The following PIWIL3 variants were observed in gnomAD, a reference collection of about 807,000 sequenced individuals.
PIWIL3 encodes the protein piwi-like protein 3.
In PIWIL3, 101 loss-of-function variants were observed where a neutral mutation model predicts 109.7. The ratio of observed to expected loss-of-function variants is 0.92; its 90% CI spans 0.78 to 1.09. The LOEUF (loss-of-function observed/expected upper bound fraction) is 1.09, where lower values mean the gene tolerates loss of function less well. Ranked by LOEUF, PIWIL3 falls within the 50% of genes least tolerant of loss-of-function variation. The probability of loss-of-function intolerance (pLI) is 0.00; values close to 1 mark genes in which losing one functional copy is unlikely to be tolerated. For synonymous variants in PIWIL3, 373 were observed against 376.4 expected, an observed-to-expected ratio of 0.99 and a Z score of 0.10; for missense variants, 1,031 against 1,072.6, an observed-to-expected ratio of 0.96 and a Z score of 0.54.
chr22:24,742,921 T>C (rs898983135), intron 12 of PIWIL3, among the ~76,000 whole-genome samples: 3 of 152,256 alleles, frequency 2.0e-5, no homozygotes, highest in Non-Finnish European at 4.4e-5. Flanking sequence ...AAAAAACTTA[T>C]GCACAGCAAA....
chr22:24,737,898 C>T (rs1335997548), intron 12 of PIWIL3, among the ~76,000 whole-genome samples: 2 of 152,128 alleles, frequency 1.3e-5, no homozygotes, highest in Non-Finnish European at 1.5e-5. Flanking sequence ...CGGTGGCTCA[C>T]GCCTGGAATC....
At chr22:24,746,830 T>C (rs984496448) in intron 12 of PIWIL3, among the ~76,000 whole-genome samples, 1 of 151,980 alleles carries the variant, frequency 6.6e-6, no homozygotes, top group African/African-American at 2.4e-5. Flanking sequence ...TATAAAACAC[T>C]GATGCAAGAA....
intron 1 of PIWIL3, among the ~76,000 whole-genome samples, chr22:24,764,381 T>TA (rs1289027565): frequency 6.6e-6 from 1 of 152,142 alleles, no homozygotes; most frequent in Non-Finnish European, 1.5e-5. Flanking sequence ...CATTACCACT[T>TA]AGTAGCTTTA....
intron 1 of PIWIL3, 83 bp downstream of exon 1, chr22:24,774,239 C>G (rs1205903879): frequency 6.6e-6 from 1 of 152,162 alleles, no homozygotes. Context: ...GAACCTCCAC[C>G]CCCTTTCTTT....
intron 12 of PIWIL3, among the ~76,000 whole-genome samples, chr22:24,741,895 C>A (rs1392968681): frequency 6.6e-6 from 1 of 151,144 alleles, no homozygotes; most frequent in African/African-American, 2.4e-5. Flanking sequence ...TAAGTCCTAG[C>A]CAGAGCAATC....
In PIWIL3 at chr22:24,722,992, A is replaced by G. The variant is rs891930546; in HGVS notation, c.2357+138T>C. 6 of 946,964 alleles carry G rather than the reference A, an allele frequency of 6.3e-6. No individual in the cohort carries two copies. In the African/African-American group the frequency reaches 1.0e-4, roughly 16 times the overall value. 58.7% of individuals were successfully genotyped at this position (946,964 alleles called of 1,614,324 possible). A position where few individuals can be genotyped will look rare whatever the true frequency, so the allele number is the denominator to read the frequency against. ...TTTAAATGAGGAATCTCTGCCCAATAGTAAAAAAAACAGACCAAATTAGTT... is the reference window on the plus strand; with the variant it reads ...TTTAAATGAGGAATCTCTGCCCAATGGTAAAAAAAACAGACCAAATTAGTT... On this transcript the variant is annotated intron_variant, in intron 19 of 20. Transcript: ENST00000616349.
intron 3 of PIWIL3, among the ~76,000 whole-genome samples, chr22:24,758,379 A>G (rs970573961): frequency 6.6e-6 from 1 of 152,234 alleles, no homozygotes; most frequent in African/African-American, 2.4e-5. Flanking sequence ...TGGGCATCAT[A>G]AAATGCCAAA....
At chr22:24,723,311 C>A (rs1922787644) in intron 18 of PIWIL3, 56 bp from the exon 19 acceptor site, 9 of 1,541,260 alleles carry the variant, frequency 5.8e-6, no homozygotes, top group Non-Finnish European at 7.1e-6. Flanking sequence ...CTCAGAAGTA[C>A]ACAGTGTATT....
intron 8 of PIWIL3, 23 bp from the exon 9 acceptor site, chr22:24,751,521 T>A: frequency 6.2e-7 from 1 of 1,602,248 alleles, no homozygotes; most frequent in South Asian, 1.1e-5. Flanking sequence ...TACAATATGG[T>A]ATTATTTGAC....
intron 19 of PIWIL3, among the ~76,000 whole-genome samples, chr22:24,721,362 G>A (rs1203024785): frequency 1.3e-5 from 2 of 152,092 alleles, no homozygotes; most frequent in Non-Finnish European, 2.9e-5. Context: ...ACATTTCTAA[G>A]TGTGAACTTT....
At position 24,754,146 on chromosome 22, in the gene PIWIL3, GCA is replaced by G. The variant is rs1924873150; in HGVS notation, c.843_844del (p.Ala282ArgfsTer14). ...TCGGAGCAGTTTGTGGCTCACATCG[GCA>G]CAGAGGGTAATGCTGTTTTCGTATT... On this transcript the variant is annotated frameshift_variant, in exon 8 of 21. Coordinates refer to ENST00000616349, the MANE Select transcript of PIWIL3 (RefSeq NM_001255975.1). LOFTEE classifies it high-confidence loss of function. 1 of 1,613,848 alleles carries G rather than the reference GCA, an allele frequency of 6.2e-7. No individual in the cohort carries two copies. Among genetic ancestry groups the G allele is most frequent in the Admixed American group, 1.7e-5 (1 of 59,990 alleles).
At chr22:24,733,384 T>A (rs1923471005) in intron 14 of PIWIL3, among the ~76,000 whole-genome samples, 1 of 151,708 alleles carries the variant, frequency 6.6e-6, no homozygotes, top group Non-Finnish European at 1.5e-5. Flanking sequence ...AAGAACAGAC[T>A]CCTAGAAAAA....
intron 5 of PIWIL3, among the ~76,000 whole-genome samples, chr22:24,756,173 C>A (rs757676616): frequency 8.6e-5 from 13 of 152,042 alleles, no homozygotes; most frequent in Non-Finnish European, 1.8e-4. Flanking sequence ...AAAATAAGTT[C>A]TCTAACTTGT....
At position 24,719,478 on chromosome 22, in the gene PIWIL3, G is replaced by C. The variant is rs2147638389; in HGVS notation, c.2616C>G (p.Tyr872Ter). ...PNRSLSTRLFYL is the reference protein window; with the variant it reads ...PNRSLSTRLF ...TCAGGTCTTCTTCTGCAGGTCAAAG[G>C]TAAAAGAGACGAGTTGACAAGGAAC... is the stretch of plus-strand genomic sequence containing the variant. The change falls in exon 21 of 21, where the codon TAC becomes TAG. Residue 872 changes from tyrosine (Y) to a stop codon, truncating the protein, a stop_gained. Coordinates refer to ENST00000616349, the MANE Select transcript of PIWIL3 (RefSeq NM_001255975.1). LOFTEE classifies it high-confidence loss of function. The C allele has an allele frequency of 1.3e-6, 2 of 1,580,636 alleles. No individual in the cohort carries two copies. Among genetic ancestry groups the C allele is most frequent in the African/African-American group, 2.7e-5 (2 of 73,414 alleles).
intron 1 of PIWIL3, among the ~76,000 whole-genome samples, chr22:24,769,408 C>T (rs1925993258): frequency 6.6e-6 from 1 of 151,988 alleles, no homozygotes; most frequent in Admixed American, 6.6e-5. Flanking sequence ...GTCAGGAGAT[C>T]GAGACCATAC....
At chr22:24,761,707 T>C (rs554586101) in intron 2 of PIWIL3, among the ~76,000 whole-genome samples, 1 of 151,642 alleles carries the variant, frequency 6.6e-6, no homozygotes, top group East Asian at 2.0e-4. Context: ...CAGATGCTCA[T>C]GAGTGAGGGG....
rs1018389362 is a variant in PIWIL3, at chr22:24,757,938, C to A, written c.325G>T (p.Asp109Tyr). 7 of 1,613,010 alleles carry A rather than the reference C, an allele frequency of 4.3e-6. No homozygotes were observed. Among genetic ancestry groups the A allele is most frequent in the Non-Finnish European group, 5.9e-6 (7 of 1,179,666 alleles). Residue 109 changes from aspartate (D) to tyrosine (Y), a missense_variant, in exon 4 of 21, where the codon GAT becomes TAT. Transcript: ENST00000616349. ...TTTGAGTCTTTAACATGCTTCATAT[C>A]TTGCCTGGTGTTCACCACCAGGTCT... ...FQDLVVNTRQ[D>Y]MKHVKDSKTG...
intron 1 of PIWIL3, among the ~76,000 whole-genome samples, chr22:24,770,674 A>C (rs1006675459): frequency 1.6e-4 from 21 of 135,424 alleles, no homozygotes; most frequent in South Asian, 5.1e-4. Context: ...AAAAAAAAAA[A>C]AAAAACAAAA....
intron 19 of PIWIL3, 99 bp from the exon 20 acceptor site, chr22:24,719,994 A>G (rs552241699): frequency 3.9e-6 from 4 of 1,023,520 alleles, no homozygotes; most frequent in Non-Finnish European, 5.5e-6. Flanking sequence ...ATTGCTTACA[A>G]AAATCTATTC....
Sources: gnomAD v4.1 joint callset for allele counts (sites outside exome capture counted in the v4.1 genomes callset) on GRCh38, gnomAD v4.1.1 for gene constraint, MANE v1.5 for transcripts, NCBI Gene and HGNC (gene_info 2026-07-23, HGNC 2026-07-21) for gene names.